PDE10A: variants seen among roughly 807,000 people sequenced by gnomAD.
The protein encoded by PDE10A is cAMP and cAMP-inhibited cGMP 3',5'-cyclic phosphodiesterase 10A.
A neutral mutation model predicts 97.7 loss-of-function variants in PDE10A; 39 were observed. The observed-to-expected ratio is 0.40, with a 90% CI of 0.31 to 0.52. The LOEUF is 0.52. Ranked by LOEUF, PDE10A falls within the 20% of genes least tolerant of loss-of-function variation. The probability of loss-of-function intolerance (pLI) is 0.56; values close to 1 mark genes in which losing one functional copy is unlikely to be tolerated. For synonymous variants in PDE10A, 371 were observed against 376.8 expected, an observed-to-expected ratio of 0.98 and a Z score of 0.18; for missense variants, 731 against 1,047.8, an observed-to-expected ratio of 0.70 and a Z score of 4.17.
At chr6:165,906,009 T>TCTC (rs1782257797) in intron 1 of PDE10A, among the ~76,000 whole-genome samples, 1 of 31,678 alleles carries the variant, frequency 3.2e-5, no homozygotes, top group Non-Finnish European at 6.0e-5. Context: ...CCTTCCTTCC[T>TCTC]TCCTTCCCTC....
intron 17 of PDE10A, among the ~76,000 whole-genome samples, chr6:165,385,510 C>G (rs1053727606): frequency 4.6e-5 from 7 of 152,218 alleles, no homozygotes; most frequent in Admixed American, 3.9e-4. Flanking sequence ...GCCTTCCTCA[C>G]TCTGACGGTG....
intron 1 of PDE10A, among the ~76,000 whole-genome samples, chr6:165,942,496 T>G (rs1156999177): frequency 6.6e-6 from 1 of 152,112 alleles, no homozygotes; most frequent in Non-Finnish European, 1.5e-5. Context: ...GTTCGGTGTG[T>G]GCTCACCTGT....
chr6:165,382,737 T>TTGATGA lies in PDE10A; in HGVS notation c.2611-3377_2611-3372dup, dbSNP rs35602278. 2.7e-3 allele frequency among the ~76,000 whole-genome samples: 402 copies of TTGATGA among 151,232 alleles called. 2 individuals are homozygous for TTGATGA. The highest frequency in any genetic ancestry group is 9.0e-3 in the African/African-American group (372 of 41,138). On this transcript the variant is annotated intron_variant, in intron 17 of 21. Coordinates refer to ENST00000539869, the MANE Select transcript of PDE10A (RefSeq NM_001385079.1). ...ACGATTACTATTATAATAGTGATGATTGATGATGATGATGATGATGATAAA... is the reference window on the plus strand; with the variant it reads ...ACGATTACTATTATAATAGTGATGATTGATGATGATGATGATGATGATGATGATAAA...
chr6:165,502,402 C>T (rs1419153310), intron 2 of PDE10A, among the ~76,000 whole-genome samples: 1 of 152,182 alleles, frequency 6.6e-6, no homozygotes, highest in Non-Finnish European at 1.5e-5. Flanking sequence ...AATTCTCTTA[C>T]AACTCAATAC....
intron 1 of PDE10A, among the ~76,000 whole-genome samples, chr6:165,682,803 G>A (rs1004220985): frequency 4.6e-5 from 7 of 152,268 alleles, no homozygotes; most frequent in East Asian, 1.9e-4. Flanking sequence ...AACAGGGAAC[G>A]TGAAGATCAT....
chr6:165,920,920 C>T (rs1782735685), intron 1 of PDE10A, among the ~76,000 whole-genome samples: 1 of 152,174 alleles, frequency 6.6e-6, no homozygotes. Flanking sequence ...TAGCACTCTC[C>T]TCCAAAATTT....
intron 1 of PDE10A, among the ~76,000 whole-genome samples, chr6:165,690,542 A>C (rs1198614501): frequency 6.6e-6 from 1 of 152,126 alleles, no homozygotes; most frequent in Non-Finnish European, 1.5e-5. Context: ...AAAACCCTGC[A>C]ATGACTCTCT....
chr6:165,439,962 T>A (rs1227167661), intron 5 of PDE10A, among the ~76,000 whole-genome samples: 1 of 152,224 alleles, frequency 6.6e-6, no homozygotes, highest in Non-Finnish European at 1.5e-5. Flanking sequence ...TTTCTTTCCA[T>A]GCACAATTCA....
Position 165,543,571 on chromosome 6 carries a change from G to A in PDE10A, c.866-3C>T, listed in dbSNP as rs375007132. 1.9e-6 allele frequency: 3 copies of A among 1,601,404 alleles called. No individual in the cohort carries two copies. The highest frequency in any genetic ancestry group is 2.6e-6 in the Non-Finnish European group (3 of 1,173,538). ...CTTCACTTTTTCATCTGTCAAACCT[G>A]TAAAAGAATTGAAAAGAATAAAATT... On this transcript the variant is annotated splice_region_variant and splice_polypyrimidine_tract_variant and intron_variant, in intron 1 of 21. Transcript: ENST00000539869.
chr6:165,575,703 T>C (rs1785267810), intron 1 of PDE10A, among the ~76,000 whole-genome samples: 1 of 152,220 alleles, frequency 6.6e-6, no homozygotes, highest in Non-Finnish European at 1.5e-5. Context: ...AAAAGAGTAG[T>C]CCAGTGCTTA....
intron 1 of PDE10A, among the ~76,000 whole-genome samples, chr6:165,941,129 T>A (rs1783503616): frequency 6.6e-6 from 1 of 152,216 alleles, no homozygotes; most frequent in Non-Finnish European, 1.5e-5. Context: ...AAGTTACTGA[T>A]ACTTCTAGGT....
At chr6:165,894,277 C>G (rs763790088) in intron 1 of PDE10A, 1 of 455,922 alleles carries the variant, frequency 2.2e-6, no homozygotes, top group Non-Finnish European at 4.4e-6. Flanking sequence ...TTTGGTGAAG[C>G]CCGAGAAGAT....
chr6:165,975,447 T>A (rs939638122), intron 1 of PDE10A, among the ~76,000 whole-genome samples: 3 of 151,646 alleles, frequency 2.0e-5, no homozygotes, highest in Non-Finnish European at 2.9e-5. Context: ...TCTATTAAAA[T>A]TTTTTTTTAA....
chr6:165,522,278 G>A (rs1315154399), intron 2 of PDE10A, among the ~76,000 whole-genome samples: 2 of 152,116 alleles, frequency 1.3e-5, no homozygotes, highest in African/African-American at 4.8e-5. Flanking sequence ...AAGGAGGAGG[G>A]ACTGCTCTGT....
chr6:165,846,787 G>A (rs1221408211), intron 1 of PDE10A, among the ~76,000 whole-genome samples: 3 of 152,210 alleles, frequency 2.0e-5, no homozygotes, highest in Non-Finnish European at 2.9e-5. Flanking sequence ...GAGTGAAGCC[G>A]AGCTAGCGTC....
chr6:165,865,379 G>T (rs1781012593), intron 1 of PDE10A, among the ~76,000 whole-genome samples: 1 of 152,014 alleles, frequency 6.6e-6, no homozygotes, highest in African/African-American at 2.4e-5. Flanking sequence ...AAGGACATGA[G>T]AAACATGAAA....
chr6:165,811,665 A>G (rs1288649961), intron 1 of PDE10A, among the ~76,000 whole-genome samples: 1 of 152,136 alleles, frequency 6.6e-6, no homozygotes, highest in Non-Finnish European at 1.5e-5. Context: ...GTGGCTCACC[A>G]ACCGGCTCTG....
At chr6:165,582,817 C>T (rs1785692446) in intron 1 of PDE10A, among the ~76,000 whole-genome samples, 1 of 152,064 alleles carries the variant, frequency 6.6e-6, no homozygotes, top group African/African-American at 2.4e-5. Flanking sequence ...AATTGTTACA[C>T]ATTCAAAAAT....
chr6:165,361,168 A>C (rs1783395828), intron 18 of PDE10A, among the ~76,000 whole-genome samples: 1 of 152,200 alleles, frequency 6.6e-6, no homozygotes, highest in African/African-American at 2.4e-5. Context: ...TCAAGGTTTC[A>C]AGATACAAGA....
Sources: gnomAD v4.1 joint callset for allele counts (sites outside exome capture counted in the v4.1 genomes callset) on GRCh38, gnomAD v4.1.1 for gene constraint, MANE v1.5 for transcripts, NCBI Gene and HGNC (gene_info 2026-07-23, HGNC 2026-07-21) for gene names.